MYO1E: variants seen among roughly 807,000 people sequenced by gnomAD.
MYO1E encodes unconventional myosin-Ie.
A neutral mutation model predicts 151.1 loss-of-function variants in MYO1E; 68 were observed. That is an observed-to-expected ratio of 0.45 (90% CI 0.37 to 0.55). The LOEUF (loss-of-function observed/expected upper bound fraction) is 0.55. MYO1E is among the 20% of genes least tolerant of loss of function. The pLI is 0.00. For missense variants in MYO1E, 1,363 were observed against 1,389.3 expected (o/e 0.98, Z 0.30); for synonymous variants, 601 against 501.7 (o/e 1.20, Z -2.64).
At chr15:59,229,625 G>C (rs747477435) in intron 6 of MYO1E, among the ~76,000 whole-genome samples, 10 of 152,212 alleles carry the variant, frequency 6.6e-5, no homozygotes, top group Non-Finnish European at 1.5e-4. Flanking sequence ...CAGATACATA[G>C]ATGTTCATTG....
chr15:59,202,459 T>C (rs747683874), intron 15 of MYO1E, 52 bp from the exon 16 acceptor site: 3 of 1,543,890 alleles, frequency 1.9e-6, no homozygotes, highest in Admixed American at 1.7e-5. Context: ...CCTCTGGGGC[T>C]GAAAGCCTGC....
intron 1 of MYO1E, among the ~76,000 whole-genome samples, chr15:59,314,308 C>T (rs11854439): frequency 0.75 from 114,291 of 152,188 alleles, 43,267 homozygotes; most frequent in Non-Finnish European, 0.78. Context: ...CTTGAGAAAA[C>T]AGATTCAAAG....
chr15:59,209,749 G>A (rs1234510918), intron 13 of MYO1E, among the ~76,000 whole-genome samples: 3 of 143,492 alleles, frequency 2.1e-5, no homozygotes, highest in Non-Finnish European at 4.5e-5. Context: ...TCCAGTTTTT[G>A]GCTTTTATAT....
chr15:59,291,105 A>T (rs1460579319), intron 1 of MYO1E, among the ~76,000 whole-genome samples: 5 of 152,248 alleles, frequency 3.3e-5, no homozygotes, highest in African/African-American at 1.2e-4. Context: ...GCAAGACCAC[A>T]AGCATATCTG....
chr15:59,316,055 T>G (rs1370272911), intron 1 of MYO1E, among the ~76,000 whole-genome samples: 1 of 152,134 alleles, frequency 6.6e-6, no homozygotes, highest in African/African-American at 2.4e-5. Flanking sequence ...AGAAGGAGCC[T>G]GAGCAGCAGG....
chr15:59,280,594 C>G lies in MYO1E; in HGVS notation c.4-8145G>C, dbSNP rs532695664. On this transcript the variant is annotated intron_variant, in intron 1 of 27. Transcript: ENST00000288235. ...CTGAGATCGCGCCATTGCACTCCAG[C>G]CTGGGCAACAAGAGCGAAAGTCCAT... Among the ~76,000 whole-genome samples, 25 of 148,786 alleles carry G rather than the reference C, an allele frequency of 1.7e-4. No homozygotes were observed. The South Asian group carries it at 5.3e-3, about 31-fold the overall frequency.
Position 59,161,180 on chromosome 15 carries a change from C to G in MYO1E, c.2678G>C (p.Gly893Ala). The G allele has an allele frequency of 6.2e-7, 1 of 1,613,956 alleles. No individual in the cohort carries two copies. The highest frequency in any genetic ancestry group is 8.5e-7 in the Non-Finnish European group (1 of 1,179,956). ...KENWGPWSAGGSRQVQFHQGF... is the reference protein window; with the variant it reads ...KENWGPWSAGASRQVQFHQGF... ...TTGGTGGAACTGCACTTGCCGGGAG[C>G]CCCCTGCACTCCAGGGGCCCCAGTT... The change falls in exon 24 of 28, where the codon GGC (glycine) becomes GCC (alanine). Residue 893 changes from glycine (G) to alanine (A), a missense_variant. Physicochemically the swap from Gly to Ala is moderately conservative, Grantham distance 60. Coordinates refer to ENST00000288235, the MANE Select transcript of MYO1E (RefSeq NM_004998.4).
At chr15:59,249,749 T>C (rs1295882346) in intron 4 of MYO1E, among the ~76,000 whole-genome samples, 2 of 152,194 alleles carry the variant, frequency 1.3e-5, no homozygotes, top group African/African-American at 4.8e-5. Flanking sequence ...AGCAGGCTTC[T>C]CTTCCAGCCT....
chr15:59,223,006 C>T lies in MYO1E; in HGVS notation c.910+53G>A, dbSNP rs561274940. Reference sequence around the variant, plus strand: ...AGCAAAGGAAAGTGCTAGGTTACTTCTAATCAGAGCTAGCCACCCCTCATT... The same window carrying T: ...AGCAAAGGAAAGTGCTAGGTTACTTTTAATCAGAGCTAGCCACCCCTCATT... On this transcript the variant is annotated intron_variant, in intron 9 of 27. Transcript: ENST00000288235. 518 of 1,610,890 alleles carry T rather than the reference C, an allele frequency of 3.2e-4. 3 individuals carry two copies. In the South Asian group the frequency reaches 5.4e-3, roughly 17 times the overall value.
At position 59,263,138 on chromosome 15, in the gene MYO1E, T is replaced by G. The variant is rs188246131; in HGVS notation, c.148-1629A>C. On this transcript the variant is annotated intron_variant, in intron 2 of 27. Coordinates refer to ENST00000288235, the MANE Select transcript of MYO1E (RefSeq NM_004998.4). ...TGTTAAACAGAAAGTTATTTACAAA[T>G]ATATAGTTTTAGATAAAGACTTAAA... is the stretch of plus-strand genomic sequence containing the variant. Among the ~76,000 whole-genome samples the G allele has an allele frequency of 2.0e-5, 3 of 152,320 alleles. No homozygotes were observed. In the East Asian group the frequency reaches 5.8e-4, roughly 29 times the overall value.
chr15:59,168,902 G>A (rs776133946), intron 22 of MYO1E, among the ~76,000 whole-genome samples: 77 of 152,298 alleles, frequency 5.1e-4, no homozygotes, highest in African/African-American at 1.8e-3. Context: ...GATTACAGGC[G>A]TGGGTCACTG....
At chr15:59,216,666 G>GTGTATGTGTATA (rs777094542) in intron 10 of MYO1E, among the ~76,000 whole-genome samples, 1 of 30,884 alleles carries the variant, frequency 3.2e-5, no homozygotes, top group Non-Finnish European at 7.0e-5. Flanking sequence ...GTGTGTATGT[G>GTGTATGTGTATA]TATATATATA....
intron 3 of MYO1E, among the ~76,000 whole-genome samples, chr15:59,260,875 T>C (rs922177267): frequency 1.3e-5 from 2 of 152,154 alleles, no homozygotes; most frequent in Admixed American, 1.3e-4. Flanking sequence ...TAATTTTCTA[T>C]GCAAATAAGG....
Position 59,202,559 on chromosome 15 carries a change from T to C in MYO1E, c.1617-152A>G. On this transcript the variant is annotated intron_variant, in intron 15 of 27. Coordinates refer to ENST00000288235, the MANE Select transcript of MYO1E (RefSeq NM_004998.4). The stretch of plus-strand genomic sequence containing the variant: ...TGACTCACAGCGCGGGCCATCAAGA[T>C]GTGACTTGGGGAAATGAACAACGGA... 2 of 700,658 alleles carry C rather than the reference T, an allele frequency of 2.9e-6. 1 individual carries two copies. The highest frequency in any genetic ancestry group is 3.1e-5 in the South Asian group (2 of 63,632). 43.4% of individuals were successfully genotyped at this position (700,658 alleles called of 1,614,324 possible).
chr15:59,275,248 A>C (rs4775144), intron 1 of MYO1E, among the ~76,000 whole-genome samples: 138,772 of 152,248 alleles, frequency 0.91, 64,176 homozygotes, highest in Non-Finnish European at 0.99. Context: ...CTCCAAAACC[A>C]AATGTATCAT....
intron 1 of MYO1E, among the ~76,000 whole-genome samples, chr15:59,320,350 G>C (rs2080618203): frequency 6.6e-6 from 1 of 151,944 alleles, no homozygotes; most frequent in East Asian, 1.9e-4. Context: ...CCAAAAAAGG[G>C]CCCAAATACA....
intron 13 of MYO1E, 122 bp downstream of exon 13, chr15:59,210,392 G>A: frequency 1.3e-6 from 1 of 748,068 alleles, no homozygotes; most frequent in Non-Finnish European, 2.4e-6. Flanking sequence ...TAGTACAATT[G>A]CTCAAATTCT....
At chr15:59,288,208 C>T (rs1297545865) in intron 1 of MYO1E, among the ~76,000 whole-genome samples, 1 of 152,142 alleles carries the variant, frequency 6.6e-6, no homozygotes, top group Non-Finnish European at 1.5e-5. Context: ...CAGGGTCTCA[C>T]TCTGTCACCC....
intron 1 of MYO1E, among the ~76,000 whole-genome samples, chr15:59,277,996 T>G (rs2080331122): frequency 6.6e-6 from 1 of 152,220 alleles, no homozygotes; most frequent in South Asian, 2.1e-4. Flanking sequence ...TTTAATCATA[T>G]GCATGTGTTA....
Sources: allele counts gnomAD v4.1 joint callset (sites outside exome capture counted in the v4.1 genomes callset), GRCh38; gene constraint gnomAD v4.1.1; transcripts MANE v1.5; gene names NCBI Gene and HGNC (gene_info 2026-07-23, HGNC 2026-07-21).